Variants in UBE2B observed in about 807,000 individuals in gnomAD.
The protein encoded by UBE2B is ubiquitin-conjugating enzyme E2 B.
In UBE2B, 11 loss-of-function variants were observed where a neutral mutation model predicts 24.6. The ratio of observed to expected loss-of-function variants is 0.45; its 90% CI spans 0.28 to 0.74. UBE2B has a LOEUF of 0.74. Among genes scored for constraint, UBE2B ranks in the 30% least tolerant of loss-of-function variants. The pLI, the probability that UBE2B is intolerant of heterozygous loss-of-function variation, is 0.13. For synonymous variants in UBE2B, 68 were observed against 62.4 expected (o/e 1.09, Z -0.42); for missense variants, 78 against 185.6 (o/e 0.42, Z 3.37).
intron 2 of UBE2B, among the ~76,000 whole-genome samples, chr5:134,376,334 A>ATATAT (rs1561679532): frequency 4.7e-4 from 2 of 4,260 alleles, no homozygotes; most frequent in African/African-American, 9.0e-4. Flanking sequence ...AAAAAAAAAA[A>ATATAT]AAAAAAAAAA....
At chr5:134,380,224 A>T (rs1295098581) in intron 3 of UBE2B, among the ~76,000 whole-genome samples, 1 of 152,042 alleles carries the variant, frequency 6.6e-6, no homozygotes, top group Admixed American at 6.6e-5. Flanking sequence ...GTTATTTTTA[A>T]TGAAGATTTT....
In UBE2B at chr5:134,376,661, G is replaced by A; in HGVS notation, c.126-8G>A. 6.2e-7 allele frequency: 1 copy of A among 1,611,336 alleles called. No homozygotes were observed. Among genetic ancestry groups the A allele is most frequent in the Non-Finnish European group, 8.5e-7 (1 of 1,179,042 alleles). On this transcript the variant is annotated splice_polypyrimidine_tract_variant and splice_region_variant and intron_variant, in intron 2 of 5. Coordinates refer to ENST00000265339, the MANE Select transcript of UBE2B (RefSeq NM_003337.4). ...ACTTCTTTTAATCAGAAATCTTCTT[G>A]TTTTCAGACCAGAAGGGACACCTTT...
At position 134,371,571 on chromosome 5, in the gene UBE2B, A is replaced by G; in HGVS notation, c.-25A>G. 6.2e-7 allele frequency: 1 copy of G among 1,607,814 alleles called. No homozygotes were observed. The highest frequency in any genetic ancestry group is 8.5e-7 in the Non-Finnish European group (1 of 1,178,370). Reference sequence around the variant, plus strand: ...CTGCGCGGGACTTTTTTTTTTTCAGACTGACCGCGGGGCAGCTGCGGAGCA... The same window carrying G: ...CTGCGCGGGACTTTTTTTTTTTCAGGCTGACCGCGGGGCAGCTGCGGAGCA... On this transcript the variant is annotated 5_prime_UTR_variant, in exon 1 of 6. Transcript: ENST00000265339.
intron 4 of UBE2B, among the ~76,000 whole-genome samples, chr5:134,385,103 AT>A (rs1324209407): frequency 6.6e-6 from 1 of 152,228 alleles, no homozygotes; most frequent in African/African-American, 2.4e-5. Context: ...TTGATAAGAT[AT>A]TTGAGTTCTG....
chr5:134,390,467 GAA>G lies in UBE2B; in HGVS notation c.*119_*120del. 7.5e-7 allele frequency: 1 copy of G among 1,325,296 alleles called. No individual in the cohort carries two copies. The highest frequency in any genetic ancestry group is 1.0e-6 in the Non-Finnish European group (1 of 955,508). The allele number at this position is 1,325,296 out of a possible 1,614,324, so 82.1% of individuals were successfully genotyped here. On this transcript the variant is annotated 3_prime_UTR_variant, in exon 6 of 6. Transcript: ENST00000265339. The surrounding 1 kb of genome is among the most constrained non-coding windows in gnomAD (Gnocchi z 4.6). ...TTTTAAGGATTCTGCAGAAAAAAAA[GAA>G]AAAAGTCCTTCAGTTTAGAACCTAC...
At chr5:134,389,538 T>C (rs1402193865) in intron 5 of UBE2B, among the ~76,000 whole-genome samples, 4 of 151,794 alleles carry the variant, frequency 2.6e-5, no homozygotes, top group African/African-American at 9.7e-5. Flanking sequence ...GGTATTTTTT[T>C]CTTTTCTTTT....
chr5:134,390,076 A>T lies in UBE2B; in HGVS notation c.331-149A>T, dbSNP rs561192361. 7.7e-6 allele frequency: 7 copies of T among 912,794 alleles called. No homozygotes were observed. In the African/African-American group the frequency reaches 8.3e-5, roughly 11 times the overall value. The allele number at this position is 912,794 out of a possible 1,614,324, so 56.5% of individuals were successfully genotyped here. A position where few individuals can be genotyped will look rare whatever the true frequency, so the allele number is the denominator to read the frequency against. The stretch of plus-strand genomic sequence containing the variant: ...CATAGTATTTATCAAATCATTTCTA[A>T]AAGTATTTAGACCCAAAATTATATG... On this transcript the variant is annotated intron_variant, in intron 5 of 5. Transcript: ENST00000265339. The surrounding 1 kb of genome is among the most constrained non-coding windows in gnomAD (Gnocchi z 4.6).
At chr5:134,385,963 A>C (rs1475911072) in intron 4 of UBE2B, among the ~76,000 whole-genome samples, 1 of 151,648 alleles carries the variant, frequency 6.6e-6, no homozygotes, top group African/African-American at 2.4e-5. Context: ...CAGTGAGCCG[A>C]GATCACGCCA....
chr5:134,371,919 C>G (rs1377005129), intron 1 of UBE2B, among the ~76,000 whole-genome samples: 1 of 152,246 alleles, frequency 6.6e-6, no homozygotes, highest in Non-Finnish European at 1.5e-5. Context: ...GGCCAGCTGC[C>G]CGGCGTCTCG....
intron 2 of UBE2B, 135 bp from the exon 3 acceptor site, chr5:134,376,534 A>G (rs1057040737): frequency 1.1e-6 from 1 of 884,546 alleles, no homozygotes; most frequent in Non-Finnish European, 1.8e-6. Context: ...GGTGTTACTA[A>G]ACTCTATCTT....
At chr5:134,376,348 A>AAAATATATATATATATATATATAT (rs1554114145) in intron 2 of UBE2B, among the ~76,000 whole-genome samples, 1 of 4,774 alleles carries the variant, frequency 2.1e-4, no homozygotes, top group African/African-American at 4.4e-4. Flanking sequence ...AAAAAAAAAA[A>AAAATATATATATATATATATATAT]ATATATATAT....
chr5:134,377,125 T>G (rs979003217), intron 3 of UBE2B, among the ~76,000 whole-genome samples: 1 of 152,218 alleles, frequency 6.6e-6, no homozygotes, highest in Admixed American at 6.5e-5. Flanking sequence ...CACCCATAAG[T>G]AGTTATCATT....
At chr5:134,387,602 T>A (rs1758828082) in intron 4 of UBE2B, among the ~76,000 whole-genome samples, 1 of 152,080 alleles carries the variant, frequency 6.6e-6, no homozygotes, top group Non-Finnish European at 1.5e-5. Flanking sequence ...CGCCAGCACC[T>A]AAGCAAGGTC....
In UBE2B at chr5:134,374,536, T is replaced by C. The variant is rs571550101; in HGVS notation, c.125+73T>C. On this transcript the variant is annotated intron_variant, in intron 2 of 5. Transcript: ENST00000265339. The stretch of plus-strand genomic sequence containing the variant: ...GAAAAGTAAACATATAACAACTGTC[T>C]AGGAAAAGAAACTGAGGTGGAATGA... The C allele has an allele frequency of 3.4e-6, 5 of 1,475,860 alleles. No individual in the cohort carries two copies. In the Admixed American group the frequency reaches 5.9e-5, roughly 17 times the overall value. The allele number at this position is 1,475,860 out of a possible 1,614,324, so 91.4% of individuals were successfully genotyped here.
chr5:134,385,624 AC>A (rs1211063771), intron 4 of UBE2B: 1 of 152,110 alleles, frequency 6.6e-6, no homozygotes, highest in Non-Finnish European at 1.5e-5. Flanking sequence ...GATGTTCAGG[AC>A]TTTTGATACC....
chr5:134,388,254 G>A, intron 4 of UBE2B, 71 bp from the exon 5 acceptor site: 1 of 1,304,880 alleles, frequency 7.7e-7, no homozygotes, highest in Non-Finnish European at 1.1e-6. Context: ...CAAGCATTCT[G>A]TTTGGTAAAG....
At position 134,376,707 on chromosome 5, in the gene UBE2B, CATT is replaced by C. The variant is rs779459767; in HGVS notation, c.151+16_151+18del. 1.2e-6 allele frequency: 2 copies of C among 1,609,014 alleles called. No homozygotes were observed. Among genetic ancestry groups the C allele is most frequent in the Non-Finnish European group, 1.7e-6 (2 of 1,177,374 alleles). On this transcript the variant is annotated intron_variant, in intron 3 of 5. Transcript: ENST00000265339. ...CCTTTTGAAGATGGTAAGTCATACTCATTATGTTTTCTATAGTGTTATGAGGTT... is the reference window on the plus strand; with the variant it reads ...CCTTTTGAAGATGGTAAGTCATACTCATGTTTTCTATAGTGTTATGAGGTT...
chr5:134,389,831 G>A (rs1300885554), intron 5 of UBE2B: 1 of 265,772 alleles, frequency 3.8e-6, no homozygotes, highest in Admixed American at 5.0e-5. Flanking sequence ...ACAGGCGTGA[G>A]CCACCACACC....
intron 5 of UBE2B, chr5:134,389,045 G>A (rs1224857565): frequency 3.0e-5 from 9 of 302,470 alleles, no homozygotes; most frequent in African/African-American, 1.2e-4. Flanking sequence ...TCTGCCTCCC[G>A]GGTTCAAGTG....
Sources: gnomAD v4.1 joint callset for allele counts (sites outside exome capture counted in the v4.1 genomes callset) on GRCh38, gnomAD v4.1.1 for gene constraint, Gnocchi (gnomAD v3.1) non-coding constraint, MANE v1.5 for transcripts, NCBI Gene and HGNC (gene_info 2026-07-23, HGNC 2026-07-21) for gene names.